ANKS1B: variants seen among roughly 807,000 people sequenced by gnomAD.
The protein encoded by ANKS1B is ankyrin repeat and sterile alpha motif domain containing 1B, also known as ankyrin repeat and sterile alpha motif domain-containing protein 1B.
In ANKS1B, 36 loss-of-function variants were observed where a neutral mutation model predicts 148.3. The ratio of observed to expected loss-of-function variants is 0.24; its 90% CI spans 0.19 to 0.32. ANKS1B has a LOEUF of 0.32. Ranked by LOEUF, ANKS1B falls within the 10% of genes least tolerant of loss-of-function variation. ANKS1B has a pLI of 1.00. For missense variants in ANKS1B, 1,157 were observed against 1,542.6 expected (o/e 0.75, Z 4.19); for synonymous variants, 542 against 560.8 (o/e 0.97, Z 0.47).
intron 24 of ANKS1B, among the ~76,000 whole-genome samples, chr12:98,778,944 C>A (rs2153506033): frequency 6.6e-6 from 1 of 152,232 alleles, no homozygotes; most frequent in East Asian, 1.9e-4. Context: ...GGGATGTGGA[C>A]CCTGTATAGC....
At chr12:99,264,213 TAAAC>T (rs2076210364) in intron 12 of ANKS1B, among the ~76,000 whole-genome samples, 1 of 152,170 alleles carries the variant, frequency 6.6e-6, no homozygotes, top group Non-Finnish European at 1.5e-5. Flanking sequence ...CTTTAGCTCA[TAAAC>T]AAACAATGAG....
At chr12:99,187,668 T>C (rs2080054274) in intron 14 of ANKS1B, among the ~76,000 whole-genome samples, 1 of 152,200 alleles carries the variant, frequency 6.6e-6, no homozygotes, top group African/African-American at 2.4e-5. Context: ...CCACCAGTTC[T>C]GCCTTATAAG....
intron 12 of ANKS1B, among the ~76,000 whole-genome samples, chr12:99,361,063 A>T (rs2152428820): frequency 6.6e-6 from 1 of 152,192 alleles, no homozygotes; most frequent in African/African-American, 2.4e-5. Context: ...CAGGGTGACT[A>T]TAGGGTGACT....
chr12:99,899,867 T>C (rs1412631357), intron 1 of ANKS1B, among the ~76,000 whole-genome samples: 4 of 152,154 alleles, frequency 2.6e-5, no homozygotes, highest in Non-Finnish European at 4.4e-5. Context: ...AGGATATGGA[T>C]TGGCAAACCA....
intron 10 of ANKS1B, among the ~76,000 whole-genome samples, chr12:99,458,765 A>G (rs572905048): frequency 6.6e-6 from 1 of 152,162 alleles, no homozygotes; most frequent in South Asian, 2.1e-4. Flanking sequence ...TGAAATGGTA[A>G]TTAAAAAGTT....
intron 17 of ANKS1B, among the ~76,000 whole-genome samples, chr12:98,865,381 C>G (rs1176000549): frequency 6.6e-6 from 1 of 152,182 alleles, no homozygotes; most frequent in Non-Finnish European, 1.5e-5. Context: ...CATGCCTCTT[C>G]TTTCATCTTC....
intron 8 of ANKS1B, among the ~76,000 whole-genome samples, chr12:99,719,136 T>C (rs576424162): frequency 1.3e-5 from 2 of 152,306 alleles, no homozygotes; most frequent in East Asian, 1.9e-4. Flanking sequence ...CTAGCCCTCA[T>C]GTCTGCGTGC....
chr12:99,545,181 T>C (rs2097161335), intron 9 of ANKS1B, among the ~76,000 whole-genome samples: 1 of 152,172 alleles, frequency 6.6e-6, no homozygotes, highest in African/African-American at 2.4e-5. Flanking sequence ...GGGAGCTCTA[T>C]TTCTATGTCT....
At chr12:99,044,779 G>T (rs187038306) in intron 17 of ANKS1B, among the ~76,000 whole-genome samples, 2 of 152,286 alleles carry the variant, frequency 1.3e-5, no homozygotes, top group Non-Finnish European at 2.9e-5. Context: ...ATGGATCATA[G>T]AAAGCTCTTA....
intron 14 of ANKS1B, among the ~76,000 whole-genome samples, chr12:99,237,346 T>C (rs1284334042): frequency 1.3e-5 from 2 of 152,016 alleles, no homozygotes; most frequent in Non-Finnish European, 2.9e-5. Context: ...GTGTATGTGT[T>C]TGTGTGTGTC....
At chr12:99,337,817 A>G (rs1437943535) in intron 12 of ANKS1B, among the ~76,000 whole-genome samples, 2 of 152,176 alleles carry the variant, frequency 1.3e-5, no homozygotes, top group African/African-American at 2.4e-5. Context: ...AGAGAATTCC[A>G]TGGATTATCA....
At chr12:98,997,020 T>C (rs755789470) in intron 17 of ANKS1B, among the ~76,000 whole-genome samples, 4 of 152,060 alleles carry the variant, frequency 2.6e-5, no homozygotes, top group Admixed American at 1.3e-4. Flanking sequence ...ACTGATTGGA[T>C]AGATGTTTAC....
In ANKS1B at chr12:98,933,828, T is replaced by TA. The variant is rs200172451; in HGVS notation, c.2779-101693dup. On this transcript the variant is annotated intron_variant, in intron 17 of 26. Transcript: ENST00000683438. ...ATGTCTATTCAAGTCCTTAGCCCAT[T>TA]AAAAAAAATCATGTTACTAGGTTTT... Among the ~76,000 whole-genome samples the TA allele has an allele frequency of 8.5e-3, 1,291 of 151,948 alleles. 16 individuals carry two copies. The highest frequency in any genetic ancestry group is 0.027 in the Middle Eastern group (8 of 294).
chr12:98,901,472 A>G (rs1436597821), intron 17 of ANKS1B, among the ~76,000 whole-genome samples: 1 of 152,204 alleles, frequency 6.6e-6, no homozygotes, highest in East Asian at 1.9e-4. Flanking sequence ...CCAAAGCCCA[A>G]ATAAATCTTT....
chr12:99,973,924 G>C (rs1160999353), intron 1 of ANKS1B, among the ~76,000 whole-genome samples: 1 of 152,224 alleles, frequency 6.6e-6, no homozygotes, highest in Middle Eastern at 3.2e-3. Context: ...AAATAAAGCA[G>C]CAGCAAGGCT....
intron 9 of ANKS1B, among the ~76,000 whole-genome samples, chr12:99,587,888 A>G (rs1368117573): frequency 6.6e-6 from 1 of 152,208 alleles, no homozygotes; most frequent in Non-Finnish European, 1.5e-5. Flanking sequence ...TTGAAAGGAT[A>G]AGGAGGAGTA....
At chr12:98,758,530 C>G (rs761249664) in intron 25 of ANKS1B, among the ~76,000 whole-genome samples, 1 of 152,140 alleles carries the variant, frequency 6.6e-6, no homozygotes, top group Admixed American at 6.5e-5. Flanking sequence ...GCCTCCAGGC[C>G]GGGGGTGTAC....
intron 6 of ANKS1B, among the ~76,000 whole-genome samples, chr12:99,779,320 T>C (rs750248729): frequency 3.9e-5 from 6 of 152,234 alleles, no homozygotes; most frequent in Non-Finnish European, 8.8e-5. Flanking sequence ...TCTGTATTCT[T>C]TTGGCTAAAT....
intron 8 of ANKS1B, among the ~76,000 whole-genome samples, chr12:99,741,621 C>T (rs1266146478): frequency 6.6e-6 from 1 of 152,110 alleles, no homozygotes; most frequent in Non-Finnish European, 1.5e-5. Flanking sequence ...TGGAAACCAT[C>T]ATTCTCAGCA....
Sources: allele counts gnomAD v4.1 joint callset (sites outside exome capture counted in the v4.1 genomes callset), GRCh38; gene constraint gnomAD v4.1.1; transcripts MANE v1.5; gene names NCBI Gene and HGNC (gene_info 2026-07-23, HGNC 2026-07-21).